Variants in MDM4 observed in about 807,000 individuals in gnomAD.
MDM4 encodes the protein protein Mdm4.
In MDM4, 2 loss-of-function variants were observed where a neutral mutation model predicts 60.2. That is an observed-to-expected ratio of 0.03 (90% CI 0.01 to 0.10). The LOEUF (loss-of-function observed/expected upper bound fraction) is 0.10. Ranked by LOEUF, MDM4 falls within the 10% of genes least tolerant of loss-of-function variation. MDM4 has a pLI of 1.00. For synonymous variants in MDM4, 202 were observed against 198.1 expected, an observed-to-expected ratio of 1.02 and a Z score of -0.17; for missense variants, 447 against 577.5, an observed-to-expected ratio of 0.77 and a Z score of 2.32.
chr1:204,517,585 A>G (rs1432813273), intron 1 of MDM4, among the ~76,000 whole-genome samples: 2 of 151,926 alleles, frequency 1.3e-5, no homozygotes, highest in African/African-American at 2.4e-5. Flanking sequence ...GTGTTTTATT[A>G]GAGATGAGGT....
intron 7 of MDM4, among the ~76,000 whole-genome samples, chr1:204,540,154 G>A (rs1301892185): frequency 2.6e-5 from 4 of 151,714 alleles, no homozygotes; most frequent in Admixed American, 2.6e-4. Flanking sequence ...GTGTGGTGGC[G>A]GGCGCCCGTA....
intron 1 of MDM4, among the ~76,000 whole-genome samples, chr1:204,516,849 GA>G (rs995963240): frequency 6.6e-6 from 1 of 152,194 alleles, no homozygotes; most frequent in Non-Finnish European, 1.5e-5. Flanking sequence ...GGGAGAGAGG[GA>G]ACCGGGTAGA....
chr1:204,549,704 G>A lies in MDM4; in HGVS notation c.*22G>A. Reference sequence around the variant, plus strand: ...ATAATGGTAGTACGAACATAAAAATGCATTTATTCCGTTCACTTACCACAT... The same window carrying A: ...ATAATGGTAGTACGAACATAAAAATACATTTATTCCGTTCACTTACCACAT... On this transcript the variant is annotated 3_prime_UTR_variant, in exon 11 of 11. Transcript: ENST00000367182. 2 of 1,322,802 alleles carry A rather than the reference G, an allele frequency of 1.5e-6. No individual in the cohort carries two copies. The highest frequency in any genetic ancestry group is 1.5e-5 in the South Asian group (1 of 67,754). 81.9% of individuals were successfully genotyped at this position (1,322,802 alleles called of 1,614,324 possible).
chr1:204,520,489 A>G (rs536434098), intron 1 of MDM4, among the ~76,000 whole-genome samples: 1 of 152,252 alleles, frequency 6.6e-6, no homozygotes, highest in South Asian at 2.1e-4. Flanking sequence ...AATAGGGTTC[A>G]GGATGATTAT....
chr1:204,531,094 G>A (rs1660810131), intron 4 of MDM4, among the ~76,000 whole-genome samples: 1 of 152,150 alleles, frequency 6.6e-6, no homozygotes, highest in Non-Finnish European at 1.5e-5. Context: ...CTACAGAAAA[G>A]AGATACATGA....
In MDM4 at chr1:204,556,266, T is replaced by G. The variant is rs1263938893; in HGVS notation, c.*6584T>G. The G allele has an allele frequency of 4.4e-6, 1 of 226,452 alleles. No homozygotes were observed. The highest frequency in any genetic ancestry group is 2.2e-5 in the African/African-American group (1 of 44,954). The allele number at this position is 226,452 out of a possible 1,614,324, so 14.0% of individuals were successfully genotyped here. ...TCCAGTCAGTCCTGGGAAATGTTTCTGTTGCAGAGTTAGGCGGTAGATGGG... is the reference window on the plus strand; with the variant it reads ...TCCAGTCAGTCCTGGGAAATGTTTCGGTTGCAGAGTTAGGCGGTAGATGGG... On this transcript the variant is annotated 3_prime_UTR_variant, in exon 11 of 11. Transcript: ENST00000367182.
chr1:204,524,978 A>G (rs998210786), intron 1 of MDM4, among the ~76,000 whole-genome samples: 21 of 152,058 alleles, frequency 1.4e-4, no homozygotes, highest in African/African-American at 3.9e-4. Flanking sequence ...GGGTTGGTAC[A>G]TTTACAAGCT....
chr1:204,520,583 A>G (rs1237320419), intron 1 of MDM4, among the ~76,000 whole-genome samples: 1 of 152,122 alleles, frequency 6.6e-6, no homozygotes, highest in Non-Finnish European at 1.5e-5. Context: ...GTGGAAGATT[A>G]TTGCGTTAAA....
intron 3 of MDM4, among the ~76,000 whole-genome samples, chr1:204,528,197 C>A (rs1004413710): frequency 6.6e-6 from 1 of 151,888 alleles, no homozygotes; most frequent in East Asian, 1.9e-4. Context: ...GACCACTGTC[C>A]CCTGGAGATG....
At chr1:204,529,253 A>G in intron 3 of MDM4, 1 of 731,058 alleles carries the variant, frequency 1.4e-6, no homozygotes. Flanking sequence ...TTGAACAAGG[A>G]CCAGTTGCAG....
rs1663498468 is a variant in MDM4, at chr1:204,555,830, G to A, written c.*6148G>A. 6 of 182,170 alleles carry A rather than the reference G, an allele frequency of 3.3e-5. No individual in the cohort carries two copies. The highest frequency in any genetic ancestry group is 2.0e-4 in the South Asian group (1 of 5,068). The allele number at this position is 182,170 out of a possible 1,614,324, so 11.3% of individuals were successfully genotyped here. A position where few individuals can be genotyped will look rare whatever the true frequency, so the allele number is the denominator to read the frequency against. On this transcript the variant is annotated 3_prime_UTR_variant, in exon 11 of 11. Coordinates refer to ENST00000367182, the MANE Select transcript of MDM4 (RefSeq NM_002393.5). ...CAGTGAGCCGAGACTGCACCACTGC[G>A]CTCCCACCTGGGTGACAGAGACTCT... is the stretch of plus-strand genomic sequence containing the variant.
intron 6 of MDM4, 56 bp from the exon 7 acceptor site, chr1:204,538,153 A>G: frequency 6.4e-6 from 6 of 938,176 alleles, no homozygotes; most frequent in Non-Finnish European, 1.1e-5. Flanking sequence ...GAACTGCTAC[A>G]TCCCCTGGTC....
intron 10 of MDM4, among the ~76,000 whole-genome samples, chr1:204,548,588 G>A (rs1213572929): frequency 6.6e-6 from 1 of 152,142 alleles, no homozygotes; most frequent in Non-Finnish European, 1.5e-5. Flanking sequence ...TTTTCAGAGG[G>A]CATGATTTAG....
intron 5 of MDM4, among the ~76,000 whole-genome samples, chr1:204,536,428 A>G (rs573498274): frequency 6.6e-6 from 1 of 152,318 alleles, no homozygotes; most frequent in African/African-American, 2.4e-5. Context: ...TGCTTTTTTC[A>G]ATAGAACCGC....
chr1:204,536,287 G>A (rs538163411), intron 5 of MDM4, among the ~76,000 whole-genome samples: 2 of 152,312 alleles, frequency 1.3e-5, no homozygotes, highest in East Asian at 3.9e-4. Context: ...TGCATTATAT[G>A]TTAGTCCAAC....
intron 3 of MDM4, chr1:204,528,812 C>T: frequency 7.2e-7 from 1 of 1,384,198 alleles, no homozygotes; most frequent in Non-Finnish European, 1.0e-6. Context: ...GGAAAGGTCC[C>T]TGGTGCACTC....
chr1:204,528,959 C>T (rs1660550836), intron 3 of MDM4: 3 of 1,556,662 alleles, frequency 1.9e-6, no homozygotes, highest in African/African-American at 1.4e-5. Flanking sequence ...GCTGGGTGCA[C>T]ACCTGGATGA....
At chr1:204,545,350 T>A (rs1191327097) in intron 9 of MDM4, among the ~76,000 whole-genome samples, 1 of 152,166 alleles carries the variant, frequency 6.6e-6, no homozygotes, top group Non-Finnish European at 1.5e-5. Context: ...ATACATATGG[T>A]ATGTACTCAT....
chr1:204,520,651 G>A (rs190589934), intron 1 of MDM4, among the ~76,000 whole-genome samples: 1 of 152,216 alleles, frequency 6.6e-6, no homozygotes, highest in East Asian at 1.9e-4. Flanking sequence ...TTCGTTGAGA[G>A]AATCACTTGA....
Sources: allele counts gnomAD v4.1 joint callset (sites outside exome capture counted in the v4.1 genomes callset), GRCh38; gene constraint gnomAD v4.1.1; transcripts MANE v1.5; gene names NCBI Gene and HGNC (gene_info 2026-07-23, HGNC 2026-07-21).